The following FEZ2 variants were observed in gnomAD, a reference collection of about 807,000 sequenced individuals.
FEZ2 encodes fasciculation and elongation protein zeta-2.
FEZ2 carries 51 observed loss-of-function variants against 40.4 expected under a neutral mutation model. The ratio of observed to expected loss-of-function variants is 1.26; its 90% CI spans 1.01 to 1.59. FEZ2 has a LOEUF of 1.59. Among genes scored for constraint, FEZ2 ranks in the 40% most tolerant of loss-of-function variants. The pLI is 0.00. For missense variants in FEZ2, 640 were observed against 438.3 expected, an observed-to-expected ratio of 1.46 and a Z score of -4.11; for synonymous variants, 242 against 172.0, an observed-to-expected ratio of 1.41 and a Z score of -3.18.
chr2:36,585,549 G>A (rs576624488), intron 2 of FEZ2, among the ~76,000 whole-genome samples: 5 of 152,048 alleles, frequency 3.3e-5, no homozygotes, highest in Non-Finnish European at 7.4e-5. Context: ...TACCTAGTGC[G>A]GTCCATTTAC....
chr2:36,556,326 G>C (rs1351978710), intron 6 of FEZ2: 1 of 161,460 alleles, frequency 6.2e-6, no homozygotes, highest in Non-Finnish European at 1.4e-5. Flanking sequence ...GGGAGAATTA[G>C]CCTCATTCTA....
chr2:36,582,810 A>G (rs1668790820), intron 3 of FEZ2, among the ~76,000 whole-genome samples: 1 of 152,214 alleles, frequency 6.6e-6, no homozygotes, highest in Non-Finnish European at 1.5e-5. Context: ...CTGGCATCAC[A>G]TTTCAACAAT....
chr2:36,576,933 ATGT>A (rs1245466415), intron 5 of FEZ2, among the ~76,000 whole-genome samples: 3 of 152,212 alleles, frequency 2.0e-5, no homozygotes, highest in Admixed American at 1.3e-4. Context: ...GAGGATTTAC[ATGT>A]AATCCCTAAA....
At chr2:36,587,734 G>C (rs947821778) in intron 2 of FEZ2, among the ~76,000 whole-genome samples, 1 of 151,964 alleles carries the variant, frequency 6.6e-6, no homozygotes, top group Admixed American at 6.6e-5. Context: ...ATTTTACATA[G>C]CTTAGTCACG....
At chr2:36,572,060 A>T (rs1009552487) in intron 5 of FEZ2, among the ~76,000 whole-genome samples, 1 of 150,648 alleles carries the variant, frequency 6.6e-6, no homozygotes, top group African/African-American at 2.4e-5. Context: ...AGGGGAAAAA[A>T]ACTCATGCCT....
At chr2:36,587,019 G>A (rs1041922228) in intron 2 of FEZ2, among the ~76,000 whole-genome samples, 1 of 152,158 alleles carries the variant, frequency 6.6e-6, no homozygotes, top group Non-Finnish European at 1.5e-5. Context: ...AAGGTATAAA[G>A]ATGCATACAA....
chr2:36,597,860 C>G lies in FEZ2; in HGVS notation c.266+17G>C. Reference sequence around the variant, plus strand: ...GGGGAGGCTCCCGCCCACTCCCGGCCGGGGCCCCGCACTCACTCGTCCCCC... The same window carrying G: ...GGGGAGGCTCCCGCCCACTCCCGGCGGGGGCCCCGCACTCACTCGTCCCCC... On this transcript the variant is annotated intron_variant, in intron 1 of 7. Coordinates refer to ENST00000405912, the MANE Select transcript of FEZ2 (RefSeq NM_005102.3). 7.5e-7 allele frequency: 1 copy of G among 1,333,934 alleles called. No individual in the cohort carries two copies. Among genetic ancestry groups the G allele is most frequent in the Non-Finnish European group, 9.6e-7 (1 of 1,044,998 alleles). 82.6% of individuals were successfully genotyped at this position (1,333,934 alleles called of 1,614,324 possible). A position where few individuals can be genotyped will look rare whatever the true frequency, so the allele number is the denominator to read the frequency against.
intron 5 of FEZ2, among the ~76,000 whole-genome samples, chr2:36,572,827 A>T (rs1230811907): frequency 6.6e-6 from 1 of 152,228 alleles, no homozygotes; most frequent in Admixed American, 6.5e-5. Flanking sequence ...ATCATATTAT[A>T]ACATGAGCTG....
intron 1 of FEZ2, among the ~76,000 whole-genome samples, chr2:36,593,810 C>A (rs1234751367): frequency 6.6e-6 from 1 of 151,406 alleles, no homozygotes; most frequent in Non-Finnish European, 1.5e-5. Context: ...ACGCAAATTT[C>A]TGCAGCTAGC....
At chr2:36,586,869 C>T (rs1342478649) in intron 2 of FEZ2, among the ~76,000 whole-genome samples, 1 of 152,126 alleles carries the variant, frequency 6.6e-6, no homozygotes, top group Admixed American at 6.6e-5. Context: ...TCGCTTAAGC[C>T]CAGGAGTTGG....
At chr2:36,578,082 G>C (rs1290423763) in intron 5 of FEZ2, among the ~76,000 whole-genome samples, 1 of 152,220 alleles carries the variant, frequency 6.6e-6, no homozygotes, top group African/African-American at 2.4e-5. Flanking sequence ...CCACATGGCT[G>C]ATGTCACTTA....
chr2:36,578,481 A>C (rs1261233221), intron 5 of FEZ2, 116 bp downstream of exon 5: 1 of 1,052,352 alleles, frequency 9.5e-7, no homozygotes, highest in Non-Finnish European at 1.4e-6. Context: ...CTCTGATTAG[A>C]AGTGTTAACA....
At chr2:36,566,996 C>T (rs1192527823) in intron 5 of FEZ2, among the ~76,000 whole-genome samples, 4 of 152,074 alleles carry the variant, frequency 2.6e-5, no homozygotes, top group Non-Finnish European at 5.9e-5. Flanking sequence ...AATGAGTGCT[C>T]CAGAATGGCA....
chr2:36,581,479 T>C (rs1573022251), intron 3 of FEZ2, 48 bp from the exon 4 acceptor site: 1 of 1,571,266 alleles, frequency 6.4e-7, no homozygotes, highest in Non-Finnish European at 8.8e-7. Flanking sequence ...AAAAGGAAAA[T>C]GATCTATCTG....
chr2:36,563,075 A>G (rs887673011), intron 5 of FEZ2, among the ~76,000 whole-genome samples: 1 of 152,216 alleles, frequency 6.6e-6, no homozygotes, highest in African/African-American at 2.4e-5. Context: ...TCACTAGAAA[A>G]AACAAAAGTT....
chr2:36,579,269 G>C (rs1321719277), intron 4 of FEZ2, among the ~76,000 whole-genome samples: 1 of 152,198 alleles, frequency 6.6e-6, no homozygotes, highest in Non-Finnish European at 1.5e-5. Context: ...GCAGGGTTCT[G>C]GGATATCTCT....
chr2:36,582,741 G>C (rs538862959), intron 3 of FEZ2, among the ~76,000 whole-genome samples: 1 of 152,290 alleles, frequency 6.6e-6, no homozygotes, highest in South Asian at 2.1e-4. Context: ...CCTAAAAATA[G>C]AGTGTGGTAG....
At chr2:36,590,374 G>C (rs1479507853) in intron 2 of FEZ2, 2 of 152,198 alleles carry the variant, frequency 1.3e-5, no homozygotes, top group Non-Finnish European at 2.9e-5. Context: ...AAATTTTACT[G>C]AGTGTTTCAG....
chr2:36,593,751 G>A (rs980336769), intron 1 of FEZ2, among the ~76,000 whole-genome samples: 8 of 152,012 alleles, frequency 5.3e-5, no homozygotes, highest in African/African-American at 1.4e-4. Context: ...ATGGCCTGGA[G>A]ACATTTTCCC....
Sources: gnomAD v4.1 joint callset for allele counts (sites outside exome capture counted in the v4.1 genomes callset) on GRCh38, gnomAD v4.1.1 for gene constraint, MANE v1.5 for transcripts, NCBI Gene and HGNC (gene_info 2026-07-23, HGNC 2026-07-21) for gene names.